SLC9A9: variants seen among roughly 807,000 people sequenced by gnomAD.
SLC9A9 encodes the protein solute carrier family 9 member A9.
In SLC9A9, 62 loss-of-function variants were observed where a neutral mutation model predicts 77.8. That is an observed-to-expected ratio of 0.80 (90% CI 0.65 to 0.98). SLC9A9 has a LOEUF of 0.98. SLC9A9 is among the 50% of genes least tolerant of loss of function. The probability of loss-of-function intolerance (pLI) is 0.00; values close to 1 mark genes in which losing one functional copy is unlikely to be tolerated. For missense variants in SLC9A9, 775 were observed against 774.9 expected (o/e 1.00, Z 0.00); for synonymous variants, 320 against 283.5 (o/e 1.13, Z -1.29).
intron 4 of SLC9A9, among the ~76,000 whole-genome samples, chr3:143,718,903 T>G (rs1934424386): frequency 6.6e-6 from 1 of 152,166 alleles, no homozygotes; most frequent in Non-Finnish European, 1.5e-5. Flanking sequence ...CATTCCTATT[T>G]AGTAGCTACT....
At chr3:143,466,906 A>T (rs2035288506) in intron 12 of SLC9A9, 131 bp downstream of exon 12, 1 of 1,135,698 alleles carries the variant, frequency 8.8e-7, no homozygotes, top group Non-Finnish European at 1.3e-6. Context: ...TTATGAGTGA[A>T]GGTCAACTTG....
intron 4 of SLC9A9, among the ~76,000 whole-genome samples, chr3:143,740,564 A>C (rs868819368): frequency 5.3e-4 from 81 of 152,352 alleles, no homozygotes; most frequent in African/African-American, 1.8e-3. Flanking sequence ...TAATAAAATA[A>C]GTCCATTAAA....
intron 9 of SLC9A9, among the ~76,000 whole-genome samples, chr3:143,534,712 C>A (rs1386643812): frequency 1.3e-5 from 2 of 152,154 alleles, no homozygotes; most frequent in Non-Finnish European, 2.9e-5. Context: ...TTCTTAATGA[C>A]CCAAGTGGGT....
chr3:143,394,024 AAGG>A (rs1224688435), intron 12 of SLC9A9, among the ~76,000 whole-genome samples: 1 of 152,150 alleles, frequency 6.6e-6, no homozygotes, highest in Non-Finnish European at 1.5e-5. Flanking sequence ...CCAGAGGTAC[AAGG>A]AGGAGCTGGT....
At chr3:143,643,881 T>G (rs921091387) in intron 6 of SLC9A9, among the ~76,000 whole-genome samples, 1 of 151,934 alleles carries the variant, frequency 6.6e-6, no homozygotes, top group African/African-American at 2.4e-5. Context: ...ATTATGTGAT[T>G]GGCTTATGGG....
chr3:143,675,002 C>A (rs1413960979), intron 5 of SLC9A9, among the ~76,000 whole-genome samples: 1 of 152,082 alleles, frequency 6.6e-6, no homozygotes, highest in Non-Finnish European at 1.5e-5. Flanking sequence ...TTGGACTTGA[C>A]CCTGGACCTA....
intron 12 of SLC9A9, among the ~76,000 whole-genome samples, chr3:143,432,992 G>A (rs935895714): frequency 3.3e-5 from 5 of 152,178 alleles, no homozygotes; most frequent in African/African-American, 1.2e-4. Context: ...GCTCTGATTA[G>A]ACCAGCAGCA....
At chr3:143,713,620 C>T (rs1268956810) in intron 4 of SLC9A9, among the ~76,000 whole-genome samples, 2 of 152,160 alleles carry the variant, frequency 1.3e-5, no homozygotes, top group Non-Finnish European at 2.9e-5. Flanking sequence ...GAAATTTAAA[C>T]ATTCCTTAAG....
intron 5 of SLC9A9, among the ~76,000 whole-genome samples, chr3:143,683,044 A>G (rs1299859920): frequency 6.6e-6 from 1 of 152,158 alleles, no homozygotes; most frequent in East Asian, 1.9e-4. Context: ...CTACCATGAA[A>G]TTTACTATTA....
chr3:143,492,627 C>A (rs1294888967), intron 11 of SLC9A9, among the ~76,000 whole-genome samples: 2 of 152,128 alleles, frequency 1.3e-5, no homozygotes, highest in Admixed American at 1.3e-4. Flanking sequence ...TGTTCTTGAC[C>A]AAGTTTCATA....
At chr3:143,660,393 T>C (rs77012190) in intron 5 of SLC9A9, among the ~76,000 whole-genome samples, 167 of 152,324 alleles carry the variant, frequency 1.1e-3, no homozygotes, top group African/African-American at 3.8e-3. Context: ...GAGCCAAGCA[T>C]GACCTCAACT....
chr3:143,353,657 C>T (rs2032520105), intron 14 of SLC9A9, among the ~76,000 whole-genome samples: 1 of 152,126 alleles, frequency 6.6e-6, no homozygotes, highest in Admixed American at 6.5e-5. Flanking sequence ...TAGCTCTCAG[C>T]ATTGGTGGCT....
chr3:143,640,009 CTTTTTTTTTCTTTTTTT>C (rs1401347668), intron 6 of SLC9A9, among the ~76,000 whole-genome samples: 4 of 117,348 alleles, frequency 3.4e-5, no homozygotes, highest in Non-Finnish European at 7.0e-5. Context: ...TAATTCCTTT[CTTTTTTTTTCTTTTTTT>C]TTTTTTTTTT....
At chr3:143,834,348 C>A (rs1211625741) in intron 1 of SLC9A9, among the ~76,000 whole-genome samples, 2 of 152,152 alleles carry the variant, frequency 1.3e-5, no homozygotes, top group African/African-American at 4.8e-5. Flanking sequence ...ATCATCTACA[C>A]TCTACGTGGC....
chr3:143,578,447 G>A, intron 7 of SLC9A9, 138 bp downstream of exon 7: 3 of 1,302,370 alleles, frequency 2.3e-6, no homozygotes, highest in East Asian at 2.4e-5. Context: ...AACCAAGATG[G>A]CACCAGTGGT....
intron 4 of SLC9A9, among the ~76,000 whole-genome samples, chr3:143,713,420 A>G (rs1028952878): frequency 2.6e-5 from 4 of 152,224 alleles, no homozygotes; most frequent in African/African-American, 4.8e-5. Context: ...GGAACATGGT[A>G]TCCAGAGTTT....
intron 4 of SLC9A9, among the ~76,000 whole-genome samples, chr3:143,752,334 A>G (rs2006752664): frequency 6.6e-6 from 1 of 152,172 alleles, no homozygotes; most frequent in Non-Finnish European, 1.5e-5. Flanking sequence ...TTTTTATCGT[A>G]TTAGCCACAG....
chr3:143,799,516 G>T (rs540111682), intron 2 of SLC9A9, among the ~76,000 whole-genome samples: 2 of 152,280 alleles, frequency 1.3e-5, no homozygotes, highest in African/African-American at 4.8e-5. Flanking sequence ...AACCCCAGCT[G>T]CCAGGGGTTC....
In SLC9A9 at chr3:143,508,806, T is replaced by C. The variant is rs116353755; in HGVS notation, c.1090-13358A>G. On this transcript the variant is annotated intron_variant, in intron 9 of 15. Coordinates refer to ENST00000316549, the MANE Select transcript of SLC9A9 (RefSeq NM_173653.4). ...CTTTTGGGTCATCTTTTGGGTAAGATATAAAAGTAAATATTTTACAATTTA... is the reference window on the plus strand; with the variant it reads ...CTTTTGGGTCATCTTTTGGGTAAGACATAAAAGTAAATATTTTACAATTTA... Among the ~76,000 whole-genome samples the C allele has an allele frequency of 1.3e-3, 192 of 152,322 alleles. 1 individual carries two copies. Among genetic ancestry groups the C allele is most frequent in the African/African-American group, 4.3e-3 (177 of 41,584 alleles).
Sources: gnomAD v4.1 joint callset for allele counts (sites outside exome capture counted in the v4.1 genomes callset) on GRCh38, gnomAD v4.1.1 for gene constraint, MANE v1.5 for transcripts, NCBI Gene and HGNC (gene_info 2026-07-23, HGNC 2026-07-21) for gene names.